The following GPAM variants were observed in gnomAD, a reference collection of about 807,000 sequenced individuals.
GPAM encodes the protein glycerol-3-phosphate acyltransferase, mitochondrial.
In GPAM, 56 loss-of-function variants were observed where a neutral mutation model predicts 105.0. The ratio of observed to expected loss-of-function variants is 0.53; its 90% confidence interval spans 0.43 to 0.67. GPAM has a LOEUF of 0.67. GPAM is among the 30% of genes least tolerant of loss of function. The probability of loss-of-function intolerance (pLI) is 0.00; values close to 1 mark genes in which losing one functional copy is unlikely to be tolerated. For synonymous variants in GPAM, 368 were observed against 354.4 expected, an observed-to-expected ratio of 1.04 and a Z score of -0.43; for missense variants, 855 against 989.8, an observed-to-expected ratio of 0.86 and a Z score of 1.83.
chr10:112,171,264 T>G (rs1847307784), intron 9 of GPAM, among the ~76,000 whole-genome samples: 1 of 152,126 alleles, frequency 6.6e-6, no homozygotes, highest in Admixed American at 6.5e-5. Flanking sequence ...CCTCTCCCCC[T>G]CTATTGAGCC....
Position 112,149,932 on chromosome 10 carries a change from C to T in GPAM, c.*3618G>A, listed in dbSNP as rs1299310708. The T allele has an allele frequency of 1.0e-6, 1 of 985,676 alleles. No individual in the cohort carries two copies. Among genetic ancestry groups the T allele is most frequent in the Non-Finnish European group, 1.2e-6 (1 of 829,796 alleles). 61.1% of individuals were successfully genotyped at this position (985,676 alleles called of 1,614,324 possible). ...GTGTTTCTTGCAATACACTAACAAG[C>T]ATAAAAATCAATCAGCATTTCCAAG... On this transcript the variant is annotated 3_prime_UTR_variant, in exon 22 of 22. Transcript: ENST00000348367.
chr10:112,156,158 C>A, intron 19 of GPAM, 105 bp from the exon 20 acceptor site: 1 of 754,796 alleles, frequency 1.3e-6, no homozygotes, highest in Non-Finnish European at 2.4e-6. Flanking sequence ...GAGAAGATGG[C>A]CACTCACATC....
chr10:112,194,889 G>A (rs945638890), intron 1 of GPAM, among the ~76,000 whole-genome samples: 3 of 152,106 alleles, frequency 2.0e-5, no homozygotes, highest in Non-Finnish European at 4.4e-5. Context: ...GGAAGTTCTT[G>A]ACTTTTTCCT....
intron 4 of GPAM, 62 bp from the exon 5 acceptor site, chr10:112,178,119 C>A: frequency 1.2e-6 from 1 of 832,498 alleles, no homozygotes; most frequent in Admixed American, 1.8e-5. Context: ...GAAGAGCTCT[C>A]ATTATGAGTT....
chr10:112,157,440 C>T (rs1418880177), intron 18 of GPAM, 51 bp from the exon 19 acceptor site: 1 of 1,569,350 alleles, frequency 6.4e-7, no homozygotes, highest in Non-Finnish European at 8.7e-7. Flanking sequence ...GGCACACAAA[C>T]AACTGCCCAG....
intron 1 of GPAM, among the ~76,000 whole-genome samples, chr10:112,204,800 T>A (rs1847840922): frequency 6.8e-6 from 1 of 147,992 alleles, no homozygotes; most frequent in African/African-American, 2.5e-5. Flanking sequence ...CAACATAGTG[T>A]TGGAAGTTCT....
chr10:112,225,958 G>T, the GPAM span, among the ~76,000 whole-genome samples: 1 of 152,276 alleles, frequency 6.6e-6, no homozygotes, highest in Non-Finnish European at 1.5e-5. Flanking sequence ...GCCCAGCTCA[G>T]CCCCACCTCC....
Position 112,172,956 on chromosome 10 carries a change from A to C in GPAM, c.657+14T>G. On this transcript the variant is annotated intron_variant, in intron 8 of 21. Coordinates refer to ENST00000348367, the MANE Select transcript of GPAM (RefSeq NM_001244949.2). Reference sequence around the variant, plus strand: ...GAGGGGAAAATGGGGTAATAGATTCACAGAAATTCTTGCCTCAGTTGCAGC... The same window carrying C: ...GAGGGGAAAATGGGGTAATAGATTCCCAGAAATTCTTGCCTCAGTTGCAGC... 1 of 1,385,740 alleles carries C rather than the reference A, an allele frequency of 7.2e-7. No individual in the cohort carries two copies. Among genetic ancestry groups the C allele is most frequent in the Non-Finnish European group, 1.0e-6 (1 of 971,252 alleles). 85.8% of individuals were successfully genotyped at this position (1,385,740 alleles called of 1,614,324 possible). A position where few individuals can be genotyped will look rare whatever the true frequency, so the allele number is the denominator to read the frequency against.
intron 1 of GPAM, among the ~76,000 whole-genome samples, chr10:112,208,566 G>C (rs1847876023): frequency 6.6e-6 from 1 of 152,134 alleles, no homozygotes; most frequent in Admixed American, 6.5e-5. Context: ...CTGCCACTCT[G>C]CTACAGGCTG....
At chr10:112,159,591 G>A (rs1336400783) in intron 17 of GPAM, among the ~76,000 whole-genome samples, 2 of 152,106 alleles carry the variant, frequency 1.3e-5, no homozygotes, top group Non-Finnish European at 2.9e-5. Context: ...AGGTGGGTGT[G>A]TTAATTATTT....
intron 1 of GPAM, among the ~76,000 whole-genome samples, chr10:112,193,334 C>T (rs1334121641): frequency 6.6e-6 from 1 of 152,162 alleles, no homozygotes; most frequent in Non-Finnish European, 1.5e-5. Context: ...GCCACTGCCA[C>T]TGGAGGTGCC....
the GPAM span, among the ~76,000 whole-genome samples, chr10:112,221,804 C>T: frequency 2.0e-5 from 3 of 152,148 alleles, no homozygotes; most frequent in Non-Finnish European, 2.9e-5. Context: ...GTGCTATAAT[C>T]ATAACAGGGA....
rs537344543 is a variant in GPAM at position 112,155,076 on chromosome 10, C to T, written c.2312-389G>A. ...CAGTGGTACACAGATGATTGTACAT[C>T]AGTGGAACCAGAGAAAGCACAGGCC... is the stretch of plus-strand genomic sequence containing the variant. On this transcript the variant is annotated intron_variant, in intron 20 of 21. Transcript: ENST00000348367. The T allele has an allele frequency of 8.2e-5, 19 of 230,910 alleles. No individual in the cohort carries two copies. In the South Asian group the frequency reaches 1.3e-3, roughly 16 times the overall value. 14.3% of individuals were successfully genotyped at this position (230,910 alleles called of 1,614,324 possible).
chr10:112,173,878 T>C (rs1269886212), intron 6 of GPAM, 33 bp from the exon 7 acceptor site: 3 of 1,555,152 alleles, frequency 1.9e-6, no homozygotes, highest in Non-Finnish European at 2.7e-6. Flanking sequence ...GACAATGTAA[T>C]TGTTTCTATA....
intron 6 of GPAM, among the ~76,000 whole-genome samples, chr10:112,174,181 C>G (rs914559525): frequency 6.6e-6 from 1 of 152,116 alleles, no homozygotes; most frequent in Non-Finnish European, 1.5e-5. Flanking sequence ...AAGGTTATCC[C>G]TTTAGGCATA....
In GPAM at chr10:112,168,313, A is replaced by G. The variant is rs1301831409; in HGVS notation, c.1106T>C (p.Leu369Pro). Residue 369 changes from leucine (L) to proline (P), a missense_variant and splice_region_variant, in exon 11 of 22, where the codon CTG becomes CCG. Physicochemically the swap from Leu to Pro is moderately conservative, Grantham distance 98. Coordinates refer to ENST00000348367, the MANE Select transcript of GPAM (RefSeq NM_001244949.2). ...IIEGHYNGEQ[L>P]GKPKKNESLW... ...AAACTTTTGTGTAGGTACCCTTACC[A>G]GTTGTTCACCATTGTAGTGACCTTC... 2 of 1,532,818 alleles carry G rather than the reference A, an allele frequency of 1.3e-6. No individual in the cohort carries two copies. The highest frequency in any genetic ancestry group is 1.8e-6 in the Non-Finnish European group (2 of 1,105,688). The allele number at this position is 1,532,818 out of a possible 1,614,324, so 95.0% of individuals were successfully genotyped here.
intron 21 of GPAM, 81 bp from the exon 22 acceptor site, chr10:112,153,747 T>C: frequency 6.5e-7 from 1 of 1,528,880 alleles, no homozygotes; most frequent in Non-Finnish European, 8.8e-7. Flanking sequence ...ACCTGTGGTG[T>C]CCTAGACCTC....
upstream of GPAM, among the ~76,000 whole-genome samples, chr10:112,188,326 G>C (rs1245948798): frequency 6.6e-6 from 1 of 152,162 alleles, no homozygotes; most frequent in African/African-American, 2.4e-5. Context: ...ACACATTATT[G>C]ATATTAGGAA....
intron 13 of GPAM, 86 bp downstream of exon 13, chr10:112,164,439 A>C (rs1847177620): frequency 2.5e-6 from 2 of 784,370 alleles, no homozygotes; most frequent in East Asian, 5.0e-5. Context: ...GAATGTGCGC[A>C]TTTTTAATAA....
Sources: allele counts gnomAD v4.1 joint callset (sites outside exome capture counted in the v4.1 genomes callset), GRCh38; gene constraint gnomAD v4.1.1; transcripts MANE v1.5; gene names NCBI Gene and HGNC (gene_info 2026-07-23, HGNC 2026-07-21).